ANKRD62: variants seen among roughly 807,000 people sequenced by gnomAD.
ANKRD62 encodes ankyrin repeat domain 62.
In ANKRD62, 61 loss-of-function variants were observed where a neutral mutation model predicts 98.8. The ratio of observed to expected loss-of-function variants is 0.62; its 90% CI spans 0.50 to 0.76. The LOEUF is 0.76. Ranked by LOEUF, ANKRD62 falls within the 30% of genes least tolerant of loss-of-function variation. The pLI is 0.00. For missense variants in ANKRD62, 933 were observed against 1,082.9 expected, an observed-to-expected ratio of 0.86 and a Z score of 1.94; for synonymous variants, 341 against 367.9, an observed-to-expected ratio of 0.93 and a Z score of 0.84.
At chr18:12,103,290 A>T in intron 7 of ANKRD62, 62 bp downstream of exon 7, 1 of 1,069,954 alleles carries the variant, frequency 9.3e-7, no homozygotes, top group Non-Finnish European at 1.2e-6. Context: ...AATCCAAATG[A>T]AATTACTTTT....
At chr18:12,161,076 C>T in the ANKRD62 span, among the ~76,000 whole-genome samples, 2 of 152,118 alleles carry the variant, frequency 1.3e-5, no homozygotes, top group African/African-American at 4.8e-5. Context: ...AAGGTACTAT[C>T]TTAAAATGTG....
At chr18:12,175,920 G>A in the ANKRD62 span, among the ~76,000 whole-genome samples, 8 of 151,792 alleles carry the variant, frequency 5.3e-5, no homozygotes, top group South Asian at 2.1e-4. Context: ...GGCCAGGCAC[G>A]GTGGCTCACA....
chr18:12,140,603 G>A, the ANKRD62 span, among the ~76,000 whole-genome samples: 1 of 152,216 alleles, frequency 6.6e-6, no homozygotes, highest in Non-Finnish European at 1.5e-5. Flanking sequence ...GGAGTTTACT[G>A]GAGGTCCACT....
chr18:12,099,543 T>A, intron 5 of ANKRD62, 72 bp from the exon 6 acceptor site: 1 of 927,126 alleles, frequency 1.1e-6, no homozygotes, highest in Non-Finnish European at 1.5e-6. Flanking sequence ...TCTTAAGAAT[T>A]TAATGTATTT....
chr18:12,100,440 G>C lies in ANKRD62; in HGVS notation c.820+758G>C, dbSNP rs566865911. On this transcript the variant is annotated intron_variant, in intron 6 of 13. Transcript: ENST00000587848. Reference sequence around the variant, plus strand: ...TGATCTTGCCATCTCAGGTGGCAGAGGCAGAAGAAAGTCTGCAGATGAGCG... The same window carrying C: ...TGATCTTGCCATCTCAGGTGGCAGACGCAGAAGAAAGTCTGCAGATGAGCG... Among the ~76,000 whole-genome samples the C allele has an allele frequency of 2.6e-5, 4 of 152,286 alleles. No homozygotes were observed. The South Asian group carries it at 8.3e-4, about 32-fold the overall frequency.
chr18:12,140,291 A>C, the ANKRD62 span, among the ~76,000 whole-genome samples: 3 of 152,028 alleles, frequency 2.0e-5, no homozygotes, highest in African/African-American at 7.2e-5. Flanking sequence ...CATTGGTTCA[A>C]ACTTCCTCCT....
chr18:12,174,238 A>C, the ANKRD62 span, among the ~76,000 whole-genome samples: 2 of 151,958 alleles, frequency 1.3e-5, no homozygotes, highest in Non-Finnish European at 2.9e-5. Flanking sequence ...GTTTTATTTC[A>C]GAAAGCCAGT....
intron 8 of ANKRD62, among the ~76,000 whole-genome samples, chr18:12,112,104 T>A (rs1598734219): frequency 1.2e-5 from 1 of 81,972 alleles, no homozygotes. Flanking sequence ...ACAGCAAGAC[T>A]CCAACTCAAA....
At chr18:12,122,582 TG>T in intron 11 of ANKRD62, 66 bp downstream of exon 11, 1 of 1,320,394 alleles carries the variant, frequency 7.6e-7, no homozygotes, top group East Asian at 2.5e-5. Flanking sequence ...GGATAATTTT[TG>T]TAATAGCTGA....
At chr18:12,156,091 T>C in the ANKRD62 span, among the ~76,000 whole-genome samples, 1 of 145,582 alleles carries the variant, frequency 6.9e-6, no homozygotes, top group African/African-American at 2.5e-5. Context: ...CCCCTCCCTC[T>C]CCCTCCCTTT....
chr18:12,141,721 T>C, the ANKRD62 span, among the ~76,000 whole-genome samples: 6 of 81,382 alleles, frequency 7.4e-5, no homozygotes, highest in African/African-American at 2.6e-4. Flanking sequence ...GGAGGACGTA[T>C]GGCACTCTGG....
intron 1 of ANKRD62, 27 bp downstream of exon 1, chr18:12,094,262 G>A: frequency 6.6e-7 from 1 of 1,507,040 alleles, no homozygotes; most frequent in Non-Finnish European, 8.8e-7. Flanking sequence ...GCCGGGAGGA[G>A]GCCTGGGGAT....
intron 7 of ANKRD62, among the ~76,000 whole-genome samples, chr18:12,105,216 T>C (rs1259003136): frequency 6.6e-6 from 1 of 152,190 alleles, no homozygotes; most frequent in African/African-American, 2.4e-5. Context: ...TTAATAAGAA[T>C]ACAAAACCAA....
the ANKRD62 span, among the ~76,000 whole-genome samples, chr18:12,151,462 A>G: frequency 1.3e-5 from 2 of 152,196 alleles, no homozygotes; most frequent in Admixed American, 1.3e-4. Flanking sequence ...CTGTCCCTGA[A>G]AACAACAGAA....
chr18:12,141,105 G>T, the ANKRD62 span, among the ~76,000 whole-genome samples: 2 of 152,232 alleles, frequency 1.3e-5, no homozygotes, highest in African/African-American at 4.8e-5. Context: ...ATCTCAGACT[G>T]CTGTGCTAGC....
At chr18:12,119,639 G>A (rs17594826) in intron 10 of ANKRD62, among the ~76,000 whole-genome samples, 36,508 of 151,952 alleles carry the variant, frequency 0.24, 4,631 homozygotes, top group Middle Eastern at 0.34. Context: ...CTAAAAATCC[G>A]CCCTTGTGAT....
the ANKRD62 span, among the ~76,000 whole-genome samples, chr18:12,150,588 G>A: frequency 1.3e-5 from 2 of 152,168 alleles, no homozygotes; most frequent in South Asian, 2.1e-4. Context: ...ACCCCATCAG[G>A]CTAACAGTAG....
the ANKRD62 span, among the ~76,000 whole-genome samples, chr18:12,161,196 G>A: frequency 1.3e-4 from 20 of 152,138 alleles, no homozygotes; most frequent in Admixed American, 1.0e-3. Flanking sequence ...AACATTTGAC[G>A]TATTTTTTTA....
intron 10 of ANKRD62, among the ~76,000 whole-genome samples, chr18:12,117,716 G>A (rs1005503546): frequency 6.6e-6 from 1 of 152,146 alleles, no homozygotes; most frequent in Non-Finnish European, 1.5e-5. Flanking sequence ...TGTATCTGTC[G>A]AGATGATTCT....
Sources: allele counts gnomAD v4.1 joint callset (sites outside exome capture counted in the v4.1 genomes callset), GRCh38; gene constraint gnomAD v4.1.1; transcripts MANE v1.5; gene names NCBI Gene and HGNC (gene_info 2026-07-23, HGNC 2026-07-21).